Variants in MTHFD1 observed in about 807,000 individuals in gnomAD.
The protein encoded by MTHFD1 is methylenetetrahydrofolate dehydrogenase, cyclohydrolase and formyltetrahydrofolate synthetase 1, also known as C-1-tetrahydrofolate synthase, cytoplasmic.
In MTHFD1, 44 loss-of-function variants were observed where a neutral mutation model predicts 110.3. The ratio of observed to expected loss-of-function variants is 0.40; its 90% CI spans 0.31 to 0.51. The LOEUF is 0.51. MTHFD1 is among the 20% of genes least tolerant of loss of function. The pLI is 0.60. For synonymous variants in MTHFD1, 402 were observed against 428.8 expected (o/e 0.94, Z 0.77); for missense variants, 909 against 1,173.1 (o/e 0.77, Z 3.29).
intron 27 of MTHFD1, 159 bp downstream of exon 27, chr14:64,458,466 GC>G (rs2078510227): frequency 3.0e-6 from 2 of 677,802 alleles, no homozygotes; most frequent in African/African-American, 3.6e-5. Context: ...ATGAGAGTTG[GC>G]AATAACCAAT....
chr14:64,439,918 A>T (rs60917934), intron 17 of MTHFD1, among the ~76,000 whole-genome samples: 23,435 of 131,472 alleles, frequency 0.18, 1,511 homozygotes, highest in East Asian at 0.27. Context: ...AAAAAAAAAA[A>T]TGACAACTCA....
At chr14:64,420,054 C>G in intron 8 of MTHFD1, 129 bp downstream of exon 8, 1 of 749,082 alleles carries the variant, frequency 1.3e-6, no homozygotes, top group Non-Finnish European at 2.4e-6. Flanking sequence ...GACTGACTAG[C>G]CCAAGGGTGC....
chr14:64,431,070 CTTTTTCTTTT>C (rs1429804236), intron 13 of MTHFD1, among the ~76,000 whole-genome samples: 10 of 145,752 alleles, frequency 6.9e-5, no homozygotes, highest in African/African-American at 2.4e-4. Flanking sequence ...TTTTCTTTTT[CTTTTTCTTTT>C]TTTTTTTTTT....
chr14:64,392,442 T>G (rs778321583), intron 1 of MTHFD1, among the ~76,000 whole-genome samples: 18 of 152,226 alleles, frequency 1.2e-4, no homozygotes, highest in Non-Finnish European at 2.1e-4. Context: ...GTTTGGTTTT[T>G]CCTTCCCTTA....
intron 2 of MTHFD1, among the ~76,000 whole-genome samples, chr14:64,407,127 TA>T (rs561401786): frequency 1.9e-4 from 29 of 152,112 alleles, no homozygotes; most frequent in Non-Finnish European, 3.7e-4. Flanking sequence ...ACTTCCCAAA[TA>T]ACTGAATATT....
intron 2 of MTHFD1, among the ~76,000 whole-genome samples, chr14:64,404,102 T>C (rs2077920331): frequency 6.6e-6 from 1 of 152,228 alleles, no homozygotes; most frequent in Non-Finnish European, 1.5e-5. Context: ...AGTCTGGCCC[T>C]CATAAATCTT....
intron 26 of MTHFD1, 162 bp downstream of exon 26, chr14:64,455,037 G>A: frequency 2.7e-6 from 2 of 734,886 alleles, no homozygotes; most frequent in Non-Finnish European, 4.9e-6. Context: ...CTATAAAGCA[G>A]GAGCTATATA....
chr14:64,408,049 A>T (rs1164357741), intron 2 of MTHFD1, among the ~76,000 whole-genome samples: 1 of 152,132 alleles, frequency 6.6e-6, no homozygotes, highest in Non-Finnish European at 1.5e-5. Context: ...AACACAGATT[A>T]GTAAACTGTG....
chr14:64,449,077 G>C, intron 23 of MTHFD1: 2 of 349,754 alleles, frequency 5.7e-6, no homozygotes, highest in Non-Finnish European at 1.1e-5. Flanking sequence ...GGGATTACAA[G>C]TGTGAGCCAC....
chr14:64,447,146 G>GTCCT (rs2078296108), intron 22 of MTHFD1, among the ~76,000 whole-genome samples: 1 of 120,790 alleles, frequency 8.3e-6, no homozygotes, highest in Non-Finnish European at 1.7e-5. Flanking sequence ...ATCCAGCTCA[G>GTCCT]TTCTTTTTTT....
Position 64,444,759 on chromosome 14 carries a change from G to A in MTHFD1, c.2178+25G>A, listed in dbSNP as rs139279657. 7.1e-4 allele frequency: 1,138 copies of A among 1,612,410 alleles called. 8 individuals carry two copies. The African/African-American group carries it at 0.014, about 19-fold the overall frequency. ...GGTAACCTGAGTTATTTCTCATCAC[G>A]TGTCCTAGAAAGCACCACACCTTGA... On this transcript the variant is annotated intron_variant, in intron 22 of 27. Coordinates refer to ENST00000652337, the MANE Select transcript of MTHFD1 (RefSeq NM_005956.4).
chr14:64,397,553 A>G lies in MTHFD1; in HGVS notation c.42-3240A>G, dbSNP rs544162319. ...CGTGATCTGCCTGCCTTGGCCTCCC[A>G]AAGTGCTGGGATTGCAGGCGTGAGC... is the stretch of plus-strand genomic sequence containing the variant. On this transcript the variant is annotated intron_variant, in intron 1 of 27. Transcript: ENST00000652337. Among the ~76,000 whole-genome samples, 4 of 152,240 alleles carry G rather than the reference A, an allele frequency of 2.6e-5. No homozygotes were observed. In the South Asian group the frequency reaches 8.3e-4, roughly 32 times the overall value.
chr14:64,448,519 G>A lies in MTHFD1; in HGVS notation c.2279+202G>A, dbSNP rs569760992. The stretch of plus-strand genomic sequence containing the variant: ...ACTGAGGGTCCCAAAGTCAGATTCA[G>A]CTCCTATGGGCCCTTTTCCTTTCCA... On this transcript the variant is annotated intron_variant, in intron 23 of 27. Coordinates refer to ENST00000652337, the MANE Select transcript of MTHFD1 (RefSeq NM_005956.4). The A allele has an allele frequency of 5.1e-6, 3 of 592,310 alleles. No homozygotes were observed. The East Asian group carries it at 8.8e-5, about 17-fold the overall frequency. 36.7% of individuals were successfully genotyped at this position (592,310 alleles called of 1,614,324 possible).
chr14:64,439,532 C>T (rs1320438822), intron 17 of MTHFD1, among the ~76,000 whole-genome samples: 9 of 152,146 alleles, frequency 5.9e-5, no homozygotes, highest in East Asian at 5.8e-4. Flanking sequence ...AAACAATAAG[C>T]GCATGATTAT....
chr14:64,414,990 C>G (rs2078014414), intron 4 of MTHFD1, among the ~76,000 whole-genome samples: 1 of 152,112 alleles, frequency 6.6e-6, no homozygotes, highest in Admixed American at 6.6e-5. Context: ...CACCCAGCCC[C>G]TGGCCCTAAT....
chr14:64,406,781 A>T (rs2077939441), intron 2 of MTHFD1, among the ~76,000 whole-genome samples: 1 of 152,130 alleles, frequency 6.6e-6, no homozygotes, highest in Non-Finnish European at 1.5e-5. Context: ...TGAGTTAGGG[A>T]TCTTCAACCT....
intron 2 of MTHFD1, among the ~76,000 whole-genome samples, chr14:64,408,053 A>C (rs1231560598): frequency 6.6e-6 from 1 of 152,100 alleles, no homozygotes; most frequent in Non-Finnish European, 1.5e-5. Flanking sequence ...CAGATTAGTA[A>C]ACTGTGGCCC....
At chr14:64,419,946 A>G in intron 8 of MTHFD1, 21 bp downstream of exon 8, 1 of 1,540,014 alleles carries the variant, frequency 6.5e-7, no homozygotes, top group Non-Finnish European at 9.0e-7. Flanking sequence ...TTGGAGGAGT[A>G]AGGTGGCTGC....
chr14:64,395,653 A>T (rs928923225), intron 1 of MTHFD1, among the ~76,000 whole-genome samples: 1 of 152,012 alleles, frequency 6.6e-6, no homozygotes, highest in Non-Finnish European at 1.5e-5. Flanking sequence ...TCCTCCCTCT[A>T]CCTCAGGGCA....
Sources: allele counts gnomAD v4.1 joint callset (sites outside exome capture counted in the v4.1 genomes callset), GRCh38; gene constraint gnomAD v4.1.1; transcripts MANE v1.5; gene names NCBI Gene and HGNC (gene_info 2026-07-23, HGNC 2026-07-21).